GPD1L: variants seen among roughly 807,000 people sequenced by gnomAD.
GPD1L encodes glycerol-3-phosphate dehydrogenase 1-like protein.
In GPD1L, 17 loss-of-function variants were observed where a neutral mutation model predicts 32.9. That is an observed-to-expected ratio of 0.52 (90% CI 0.35 to 0.78). GPD1L has a LOEUF of 0.78. Ranked by LOEUF, GPD1L falls within the 30% of genes least tolerant of loss-of-function variation. The pLI, the probability that GPD1L is intolerant of heterozygous loss-of-function variation, is 0.01. For missense variants in GPD1L, 361 were observed against 447.8 expected (o/e 0.81, Z 1.75); for synonymous variants, 187 against 165.9 (o/e 1.13, Z -0.98).
chr3:32,118,882 G>A (rs910743356), intron 1 of GPD1L, among the ~76,000 whole-genome samples: 2 of 152,078 alleles, frequency 1.3e-5, no homozygotes, highest in Non-Finnish European at 2.9e-5. Context: ...TTATCCTTCT[G>A]TGTCTGGCTT....
Position 32,168,341 on chromosome 3 carries a change from G to A in GPD1L, c.*2431G>A, listed in dbSNP as rs1316320845. ...TTCTTATGAAGTATGGTAACAGGGA[G>A]GGAGACACCTAGATTAGCAGCTCAA... On this transcript the variant is annotated 3_prime_UTR_variant, in exon 8 of 8. Transcript: ENST00000282541. The A allele has an allele frequency of 6.6e-6, 1 of 152,634 alleles. No individual in the cohort carries two copies. The highest frequency in any genetic ancestry group is 1.5e-5 in the Non-Finnish European group (1 of 68,044). 9.5% of individuals were successfully genotyped at this position (152,634 alleles called of 1,614,324 possible). A position where few individuals can be genotyped will look rare whatever the true frequency, so the allele number is the denominator to read the frequency against.
intron 1 of GPD1L, among the ~76,000 whole-genome samples, chr3:32,126,471 G>A (rs1056290245): frequency 6.6e-6 from 1 of 152,174 alleles, no homozygotes; most frequent in Non-Finnish European, 1.5e-5. Context: ...CTATGACCTT[G>A]TGAAAGTTAC....
chr3:32,133,776 A>C (rs1169670396), intron 2 of GPD1L, among the ~76,000 whole-genome samples: 2 of 152,224 alleles, frequency 1.3e-5, no homozygotes, highest in African/African-American at 4.8e-5. Flanking sequence ...GGCTGCAGAT[A>C]AGATGTTGCT....
chr3:32,121,915 C>G (rs1352499022), intron 1 of GPD1L, among the ~76,000 whole-genome samples: 2 of 151,458 alleles, frequency 1.3e-5, no homozygotes, highest in African/African-American at 4.9e-5. Context: ...GGATTACAGG[C>G]ACGCGCCACC....
intron 7 of GPD1L, among the ~76,000 whole-genome samples, chr3:32,165,114 C>G (rs13100798): frequency 0.51 from 77,562 of 152,054 alleles, 21,032 homozygotes; most frequent in African/African-American, 0.69. Context: ...ACTGAGGCAG[C>G]AGAATCGCTT....
chr3:32,149,309 C>T (rs1245832169), intron 5 of GPD1L, among the ~76,000 whole-genome samples: 1 of 152,196 alleles, frequency 6.6e-6, no homozygotes, highest in Admixed American at 6.5e-5. Flanking sequence ...AGTCTTCCCA[C>T]CTCAGACTCC....
intron 1 of GPD1L, among the ~76,000 whole-genome samples, chr3:32,109,847 C>A (rs1700221503): frequency 6.6e-6 from 1 of 152,234 alleles, no homozygotes; most frequent in African/African-American, 2.4e-5. Context: ...GAAGATAAGA[C>A]CGAAGGAATT....
At chr3:32,132,247 A>G (rs895727446) in intron 2 of GPD1L, among the ~76,000 whole-genome samples, 24 of 152,312 alleles carry the variant, frequency 1.6e-4, no homozygotes, top group African/African-American at 5.5e-4. Flanking sequence ...CTTTGAGTAT[A>G]GTTTCTTGCA....
chr3:32,146,921 C>G (rs1389622575), intron 5 of GPD1L, among the ~76,000 whole-genome samples, 187 bp downstream of exon 5: 1 of 152,160 alleles, frequency 6.6e-6, no homozygotes, highest in African/African-American at 2.4e-5. Context: ...CTCTCTTACT[C>G]GTGGCTTGCT....
intron 1 of GPD1L, among the ~76,000 whole-genome samples, chr3:32,119,115 C>T (rs1353311107): frequency 6.6e-6 from 1 of 152,148 alleles, no homozygotes; most frequent in African/African-American, 2.4e-5. Context: ...GCTTTCAATT[C>T]TTTGGGGTAT....
chr3:32,147,404 T>A (rs878945970), intron 5 of GPD1L, among the ~76,000 whole-genome samples: 2 of 152,162 alleles, frequency 1.3e-5, no homozygotes, highest in Admixed American at 1.3e-4. Context: ...AAGTATGTAG[T>A]TTATGTTATC....
At chr3:32,130,489 C>A (rs1006259607) in intron 2 of GPD1L, among the ~76,000 whole-genome samples, 2 of 152,118 alleles carry the variant, frequency 1.3e-5, no homozygotes, top group African/African-American at 4.8e-5. Flanking sequence ...TCAGACTGAG[C>A]CTTTTCTGTG....
At chr3:32,147,533 A>G (rs56202457) in intron 5 of GPD1L, among the ~76,000 whole-genome samples, 82,447 of 152,064 alleles carry the variant, frequency 0.54, 25,519 homozygotes, top group East Asian at 0.89. Flanking sequence ...TGGGGGAACA[A>G]CCAACAGGGA....
chr3:32,145,193 C>T (rs1700802594), intron 4 of GPD1L, among the ~76,000 whole-genome samples: 2 of 151,854 alleles, frequency 1.3e-5, no homozygotes, highest in South Asian at 4.2e-4. Flanking sequence ...GTGGCGCATG[C>T]CTATAGTTGC....
rs2084741 is a variant in GPD1L at position 32,135,279 on chromosome 3, C to T, written c.226-3308C>T. Among the ~76,000 whole-genome samples the T allele has an allele frequency of 0.024, 3,602 of 152,214 alleles. 296 individuals carry two copies. In the East Asian group the frequency reaches 0.25, roughly 11 times the overall value. On this transcript the variant is annotated intron_variant, in intron 2 of 7. Coordinates refer to ENST00000282541, the MANE Select transcript of GPD1L (RefSeq NM_015141.4). ...AACCAGGGAGTAGGGTGCATAAATG[C>T]CCATCTGAGCAAGGCCAGTGTTGAA... is the stretch of plus-strand genomic sequence containing the variant.
rs375426818 is a variant in GPD1L, at chr3:32,128,086, G to A, written c.58G>A (p.Val20Ile). The change falls in exon 2 of 8, where the codon GTT (valine) becomes ATT (isoleucine). Residue 20 changes from valine to isoleucine, a missense_variant. Transcript: ENST00000282541. ...IVGSGNWGSA[V>I]AKIIGNNVKK... is the part of the protein sequence containing the mutation. ...CGATTTCTTTTGTAGGGGTTCAGCT[G>A]TTGCAAAAATAATTGGTAATAATGT... The A allele has an allele frequency of 1.2e-6, 2 of 1,611,140 alleles. No homozygotes were observed. Among genetic ancestry groups the A allele is most frequent in the Non-Finnish European group, 1.7e-6 (2 of 1,177,462 alleles).
chr3:32,132,531 G>A (rs1217673493), intron 2 of GPD1L, among the ~76,000 whole-genome samples: 2 of 152,192 alleles, frequency 1.3e-5, no homozygotes, highest in Admixed American at 6.5e-5. Flanking sequence ...TCAGTTCAGT[G>A]CGAAGCCTCA....
chr3:32,115,056 C>T (rs189608949), intron 1 of GPD1L, among the ~76,000 whole-genome samples: 3 of 152,346 alleles, frequency 2.0e-5, no homozygotes, highest in Non-Finnish European at 4.4e-5. Context: ...AGACCTGAGC[C>T]GGTTGCCACC....
chr3:32,143,294 A>G (rs564414243), intron 4 of GPD1L, among the ~76,000 whole-genome samples: 91 of 152,322 alleles, frequency 6.0e-4, no homozygotes, highest in African/African-American at 2.0e-3. Flanking sequence ...TTAATTTTTA[A>G]AAGTAGAGTC....
Sources: allele counts gnomAD v4.1 joint callset (sites outside exome capture counted in the v4.1 genomes callset), GRCh38; gene constraint gnomAD v4.1.1; transcripts MANE v1.5; gene names NCBI Gene and HGNC (gene_info 2026-07-23, HGNC 2026-07-21).